MEGF8: variants seen among roughly 807,000 people sequenced by gnomAD.
MEGF8 encodes the protein multiple EGF like domains 8.
In MEGF8, 156 loss-of-function variants were observed where a neutral mutation model predicts 302.9. The observed-to-expected ratio is 0.52, with a 90% CI of 0.45 to 0.59. The LOEUF is 0.59. Among genes scored for constraint, MEGF8 ranks in the 20% least tolerant of loss-of-function variants. MEGF8 has a pLI of 0.00. For synonymous variants in MEGF8, 1,621 were observed against 1,660.5 expected (o/e 0.98, Z 0.58); for missense variants, 3,345 against 3,964.5 (o/e 0.84, Z 4.20).
chr19:42,364,552 C>T (rs1020428914), intron 35 of MEGF8, among the ~76,000 whole-genome samples: 1 of 152,136 alleles, frequency 6.6e-6, no homozygotes, highest in African/African-American at 2.4e-5. Flanking sequence ...AACAGCACTT[C>T]GTGGAAATTC....
Position 42,326,102 on chromosome 19 carries a change from C to T in MEGF8, c.-142C>T, listed in dbSNP as rs917498911. On this transcript the variant is annotated 5_prime_UTR_variant, in exon 1 of 42. Transcript: ENST00000251268. The stretch of plus-strand genomic sequence containing the variant: ...GTGGCCGTACCCTTCGCCGGGACTG[C>T]CGGGTCTCCGGGACCTCTTCGATCT... The T allele has an allele frequency of 6.8e-6, 9 of 1,322,734 alleles. No homozygotes were observed. Among genetic ancestry groups the T allele is most frequent in the Non-Finnish European group, 8.8e-6 (9 of 1,025,984 alleles). 81.9% of individuals were successfully genotyped at this position (1,322,734 alleles called of 1,614,324 possible). A position where few individuals can be genotyped will look rare whatever the true frequency, so the allele number is the denominator to read the frequency against.
chr19:42,359,918 C>G (rs1375777514), intron 31 of MEGF8, among the ~76,000 whole-genome samples: 2 of 139,900 alleles, frequency 1.4e-5, no homozygotes, highest in Non-Finnish European at 3.0e-5. Context: ...TGGTCTTGAA[C>G]TCCTGGGCCC....
Position 42,326,104 on chromosome 19 carries a change from G to T in MEGF8, c.-140G>T. 2 of 1,327,534 alleles carry T rather than the reference G, an allele frequency of 1.5e-6. No individual in the cohort carries two copies. Among genetic ancestry groups the T allele is most frequent in the African/African-American group, 3.1e-5 (2 of 64,524 alleles). The allele number at this position is 1,327,534 out of a possible 1,614,324, so 82.2% of individuals were successfully genotyped here. A position where few individuals can be genotyped will look rare whatever the true frequency, so the allele number is the denominator to read the frequency against. On this transcript the variant is annotated 5_prime_UTR_variant, in exon 1 of 42. Coordinates refer to ENST00000251268, the MANE Select transcript of MEGF8 (RefSeq NM_001271938.2). The stretch of plus-strand genomic sequence containing the variant: ...GGCCGTACCCTTCGCCGGGACTGCC[G>T]GGTCTCCGGGACCTCTTCGATCTAC...
At chr19:42,337,987 G>A (rs997291988) in intron 8 of MEGF8, among the ~76,000 whole-genome samples, 3 of 151,938 alleles carry the variant, frequency 2.0e-5, no homozygotes, top group Non-Finnish European at 2.9e-5. Context: ...TGTGTTTTTA[G>A]TAGAGACAGT....
In MEGF8 at chr19:42,368,447, C is replaced by T. The variant is rs543093080; in HGVS notation, c.6274-8C>T. The T allele has an allele frequency of 4.4e-6, 7 of 1,596,594 alleles. No homozygotes were observed. In the African/African-American group the frequency reaches 5.4e-5, roughly 12 times the overall value. Reference sequence around the variant, plus strand: ...TCCCTGCATCCCCATCCCCTCCCCCCCATACAGTGTCTGAGCCCTTCCTAC... The same window carrying T: ...TCCCTGCATCCCCATCCCCTCCCCCTCATACAGTGTCTGAGCCCTTCCTAC... On this transcript the variant is annotated splice_region_variant and splice_polypyrimidine_tract_variant and intron_variant, in intron 35 of 41. Transcript: ENST00000251268. This position sits in a 1 kb window ranked among gnomAD's most constrained non-coding sequence, Gnocchi z 4.9.
chr19:42,354,454 T>C lies in MEGF8; in HGVS notation c.4012-134T>C. The C allele has an allele frequency of 9.7e-7, 1 of 1,026,196 alleles. No individual in the cohort carries two copies. Among genetic ancestry groups the C allele is most frequent in the Non-Finnish European group, 1.4e-6 (1 of 698,810 alleles). 63.6% of individuals were successfully genotyped at this position (1,026,196 alleles called of 1,614,324 possible). A position where few individuals can be genotyped will look rare whatever the true frequency, so the allele number is the denominator to read the frequency against. ...GTGGCCTTATGCCATAGTTTGACAG[T>C]CTCCCCTGGATGTTCAAACAGCCCA... is the stretch of plus-strand genomic sequence containing the variant. On this transcript the variant is annotated intron_variant, in intron 22 of 41. Coordinates refer to ENST00000251268, the MANE Select transcript of MEGF8 (RefSeq NM_001271938.2). This position sits in a 1 kb window ranked among gnomAD's most constrained non-coding sequence, Gnocchi z 4.3.
chr19:42,362,619 TGA>T (rs770033035), intron 34 of MEGF8, 22 bp downstream of exon 34: 2 of 1,602,706 alleles, frequency 1.2e-6, no homozygotes, highest in Non-Finnish European at 1.7e-6. Context: ...GCCTAGTTCC[TGA>T]GAGGGGAGTC....
rs778089717 is a variant in MEGF8, at chr19:42,357,616, C to G, written c.5011+32C>G. The G allele has an allele frequency of 1.3e-6, 2 of 1,548,808 alleles. No homozygotes were observed. Among genetic ancestry groups the G allele is most frequent in the African/African-American group, 1.4e-5 (1 of 73,210 alleles). ...CTGGGGACCGGGAGGGGACAGCCCC[C>G]GTGGACCTCCCGGGCATCTGGGCTT... On this transcript the variant is annotated intron_variant, in intron 28 of 41. Coordinates refer to ENST00000251268, the MANE Select transcript of MEGF8 (RefSeq NM_001271938.2). The surrounding 1 kb of genome is among the most constrained non-coding windows in gnomAD (Gnocchi z 5.2).
chr19:42,355,822 C>A lies in MEGF8; in HGVS notation c.4209C>A (p.Gly1403=). The A allele has an allele frequency of 6.4e-7, 1 of 1,572,672 alleles. No individual in the cohort carries two copies. Among genetic ancestry groups the A allele is most frequent in the East Asian group, 2.3e-5 (1 of 42,742 alleles). ...CCTGGGGCTTCAATGCTTCGGTGGGCTCTGCCCGCTGTGGGTCAGGGGGCC... is the reference window on the plus strand; with the variant it reads ...CCTGGGGCTTCAATGCTTCGGTGGGATCTGCCCGCTGTGGGTCAGGGGGCC... ...SSSWGFNASV[G]SARCGSGGPG... is the part of the protein sequence containing the mutation. Residue 1403 remains glycine, a synonymous_variant, in exon 24 of 42, where the codon GGC becomes GGA. Coordinates refer to ENST00000251268, the MANE Select transcript of MEGF8 (RefSeq NM_001271938.2).
chr19:42,372,039 AAACAAC>A (rs59779006), intron 41 of MEGF8, among the ~76,000 whole-genome samples: 7,416 of 144,656 alleles, frequency 0.051, 275 homozygotes, highest in South Asian at 0.16. Context: ...CTCTGTCTCA[AAACAAC>A]AACAACAACA....
chr19:42,357,684 T>C lies in MEGF8; in HGVS notation c.5011+100T>C. The stretch of plus-strand genomic sequence containing the variant: ...CACTGCTGTGCTCTGTGGCCACCTG[T>C]CTCCCTCTCTTTCCCATCCCCATGC... On this transcript the variant is annotated intron_variant, in intron 28 of 41. Transcript: ENST00000251268. The surrounding 1 kb of genome is among the most constrained non-coding windows in gnomAD (Gnocchi z 5.2). 9.3e-7 allele frequency: 1 copy of C among 1,077,686 alleles called. No homozygotes were observed. Among genetic ancestry groups the C allele is most frequent in the Non-Finnish European group, 1.3e-6 (1 of 762,176 alleles). 66.8% of individuals were successfully genotyped at this position (1,077,686 alleles called of 1,614,324 possible). A position where few individuals can be genotyped will look rare whatever the true frequency, so the allele number is the denominator to read the frequency against.
chr19:42,377,971 C>A lies in MEGF8; in HGVS notation c.*1196C>A, dbSNP rs1042258328. On this transcript the variant is annotated 3_prime_UTR_variant, in exon 42 of 42. Transcript: ENST00000251268. ...GTGGATGTCAGGGTGAGGGAGGAGACAAAACCACGATGACCCCTAGCTTTG... is the reference window on the plus strand; with the variant it reads ...GTGGATGTCAGGGTGAGGGAGGAGAAAAAACCACGATGACCCCTAGCTTTG... 1 of 151,812 alleles carries A rather than the reference C, an allele frequency of 6.6e-6. No individual in the cohort carries two copies. Among genetic ancestry groups the A allele is most frequent in the African/African-American group, 2.4e-5 (1 of 41,224 alleles). The allele number at this position is 151,812 out of a possible 1,614,324, so 9.4% of individuals were successfully genotyped here.
intron 1 of MEGF8, among the ~76,000 whole-genome samples, chr19:42,328,590 GGCGAAGGGGTC>G (rs2039015753): frequency 6.6e-6 from 1 of 151,682 alleles, no homozygotes; most frequent in African/African-American, 2.4e-5. Flanking sequence ...GTGTGTGTGT[GGCGAAGGGGTC>G]TGTGTGCTGG....
chr19:42,371,786 C>T (rs757081940), intron 41 of MEGF8, among the ~76,000 whole-genome samples: 84 of 151,818 alleles, frequency 5.5e-4, no homozygotes, highest in Non-Finnish European at 6.6e-4. Context: ...GTAGCTCAAC[C>T]GAAAAAAGAA....
chr19:42,371,338 C>T lies in MEGF8; in HGVS notation c.7137-12C>T. On this transcript the variant is annotated splice_polypyrimidine_tract_variant and intron_variant, in intron 40 of 41. Coordinates refer to ENST00000251268, the MANE Select transcript of MEGF8 (RefSeq NM_001271938.2). ...GCCATGGGGGCTCCGTAACCCTCAA[C>T]TTCTTCCCCAGATGCCAGTGTAATG... The T allele has an allele frequency of 1.9e-6, 3 of 1,613,640 alleles. No homozygotes were observed. The highest frequency in any genetic ancestry group is 2.5e-6 in the Non-Finnish European group (3 of 1,179,732).
intron 35 of MEGF8, among the ~76,000 whole-genome samples, chr19:42,363,947 AC>A (rs1183611982): frequency 5.3e-5 from 8 of 152,306 alleles, no homozygotes; most frequent in African/African-American, 1.9e-4. Context: ...AATTCCAGAG[AC>A]CACGTTCATC....
chr19:42,356,308 A>T lies in MEGF8; in HGVS notation c.4504-27A>T. On this transcript the variant is annotated intron_variant, in intron 25 of 41. Transcript: ENST00000251268. The surrounding 1 kb of genome is among the most constrained non-coding windows in gnomAD (Gnocchi z 5.2). The stretch of plus-strand genomic sequence containing the variant: ...GGCACTTTGTCCTGACCCTAGCCTG[A>T]TCCCCAATGTCCGCACCCACCCCTA... 2 of 1,600,752 alleles carry T rather than the reference A, an allele frequency of 1.2e-6. No individual in the cohort carries two copies. Among genetic ancestry groups the T allele is most frequent in the Non-Finnish European group, 1.7e-6 (2 of 1,174,236 alleles).
At chr19:42,337,812 C>CT (rs1027807215) in intron 8 of MEGF8, among the ~76,000 whole-genome samples, 25 of 142,968 alleles carry the variant, frequency 1.7e-4, no homozygotes, top group African/African-American at 5.7e-4. Context: ...GGCCTCTTTT[C>CT]TTTTTTTTTG....
In MEGF8 at chr19:42,333,707, C is replaced by T. The variant is rs748664087; in HGVS notation, c.290C>T (p.Pro97Leu). 44 of 1,613,868 alleles carry T rather than the reference C, an allele frequency of 2.7e-5. No individual in the cohort carries two copies. The highest frequency in any genetic ancestry group is 6.7e-5 in the Admixed American group (4 of 59,996). The change falls in exon 2 of 42, where the codon CCG becomes CTG. Residue 97 changes from proline (P) to leucine (L), a missense_variant. Pro to Leu is a moderately conservative substitution (Grantham distance 98). Transcript: ENST00000251268. Reference protein sequence around the residue: ...FVYDGDSPRGPLLASLSGSTR... With the variant: ...FVYDGDSPRGLLLASLSGSTR... The stretch of plus-strand genomic sequence containing the variant: ...TATGACGGTGACTCCCCGCGAGGGC[C>T]GCTGCTTGCCAGTCTAAGTGGGAGC...
Sources: allele counts gnomAD v4.1 joint callset (sites outside exome capture counted in the v4.1 genomes callset), GRCh38; gene constraint gnomAD v4.1.1; non-coding constraint Gnocchi (gnomAD v3.1); transcripts MANE v1.5; gene names NCBI Gene and HGNC (gene_info 2026-07-23, HGNC 2026-07-21).